Variants in CASK observed in about 807,000 individuals in gnomAD.
CASK encodes the protein peripheral plasma membrane protein CASK.
Under a neutral mutation model 82.9 loss-of-function variants are expected in CASK, and 4 were observed. The observed-to-expected ratio is 0.05, with a 90% CI of 0.02 to 0.11. The LOEUF (loss-of-function observed/expected upper bound fraction) is 0.11. Ranked by LOEUF, CASK falls within the 10% of genes least tolerant of loss-of-function variation. CASK has a pLI of 1.00. For missense variants in CASK, 358 were observed against 720.9 expected (o/e 0.50, Z 5.76); for synonymous variants, 259 against 253.5 (o/e 1.02, Z -0.20).
intron 8 of CASK, among the ~76,000 whole-genome samples, chrX:41,654,445 T>G (rs2066905887): frequency 9.1e-6 from 1 of 110,135 alleles, no homozygotes; most frequent in African/African-American, 3.3e-5. Context: ...CCGAGGCGGG[T>G]GGATCACCTG....
In CASK at chrX:41,706,051, A is replaced by C. The variant is rs936764341; in HGVS notation, c.429+33333T>G. 5.4e-5 allele frequency among the ~76,000 whole-genome samples: 6 copies of C among 112,002 alleles called. No homozygotes were observed. The Admixed American group carries it at 5.7e-4, about 11-fold the overall frequency. On this transcript the variant is annotated intron_variant, in intron 5 of 26. Coordinates refer to ENST00000378163, the MANE Select transcript of CASK (RefSeq NM_001367721.1). ...GGGTCCTCTGAACTGTCAGAAGATG[A>C]AACACTTCATATTTGTGTGGAAATT... is the stretch of plus-strand genomic sequence containing the variant.
chrX:41,683,686 G>A (rs2067399026), intron 5 of CASK, among the ~76,000 whole-genome samples: 1 of 111,515 alleles, frequency 9.0e-6, no homozygotes, highest in African/African-American at 3.3e-5. Context: ...GGAGTCAAAA[G>A]TTATGCATGG....
At chrX:41,707,101 C>A (rs1296586027) in intron 5 of CASK, among the ~76,000 whole-genome samples, 2 of 112,030 alleles carry the variant, frequency 1.8e-5, no homozygotes, top group African/African-American at 6.5e-5. Flanking sequence ...AAAAATTGCC[C>A]CCAATTCCTG....
intron 2 of CASK, among the ~76,000 whole-genome samples, chrX:41,796,344 G>A (rs776129669): frequency 8.9e-6 from 1 of 112,573 alleles, no homozygotes; most frequent in Admixed American, 9.4e-5. Context: ...TGCACAATAA[G>A]TTTTGTTTTC....
chrX:41,743,761 G>A (rs1009248541), intron 4 of CASK: 1 of 294,926 alleles, frequency 3.4e-6, no homozygotes, highest in African/African-American at 2.8e-5. Flanking sequence ...GAAATGGTAA[G>A]ACAGAGGAAA....
At chrX:41,855,048 C>T (rs183389451) in intron 1 of CASK, among the ~76,000 whole-genome samples, 202 of 112,125 alleles carry the variant, frequency 1.8e-3, no homozygotes, top group African/African-American at 6.2e-3. Context: ...TTTTTGGAAA[C>T]TTCCCAACAT....
chrX:41,855,303 A>T (rs1232568326), intron 1 of CASK, among the ~76,000 whole-genome samples: 4 of 111,959 alleles, frequency 3.6e-5, no homozygotes, highest in African/African-American at 9.7e-5. Context: ...GAAAATAATT[A>T]TATCTATGAA....
chrX:41,778,515 G>A (rs966456056), intron 3 of CASK, among the ~76,000 whole-genome samples: 1 of 111,433 alleles, frequency 9.0e-6, no homozygotes, highest in African/African-American at 3.3e-5. Context: ...ACAGGTGTGA[G>A]CCACCGTGCC....
chrX:41,801,715 G>A lies in CASK; in HGVS notation c.173-14432C>T, dbSNP rs1373417721. Among the ~76,000 whole-genome samples, 18 of 111,436 alleles carry A rather than the reference G, an allele frequency of 1.6e-4. No homozygotes were observed. The Admixed American group carries it at 1.7e-3, about 11-fold the overall frequency. ...CTTTATAGGTATGCAGTATGACCTT[G>A]GATATCTTTGGCCAAGCAAATTATC... On this transcript the variant is annotated intron_variant, in intron 2 of 26. Transcript: ENST00000378163.
intron 11 of CASK, among the ~76,000 whole-genome samples, chrX:41,612,748 A>G (rs1485561587): frequency 3.1e-5 from 2 of 63,498 alleles, no homozygotes; most frequent in African/African-American, 5.9e-5. Flanking sequence ...TCCGGGAGGG[A>G]GGTGGGGGGG....
chrX:41,836,486 A>G (rs765644934), intron 2 of CASK, among the ~76,000 whole-genome samples: 2 of 108,687 alleles, frequency 1.8e-5, no homozygotes, highest in Non-Finnish European at 3.9e-5. Context: ...ATAATTAATA[A>G]TACCAATGCT....
chrX:41,829,064 A>C (rs1412318028), intron 2 of CASK, among the ~76,000 whole-genome samples: 1 of 112,323 alleles, frequency 8.9e-6, no homozygotes, highest in African/African-American at 3.2e-5. Flanking sequence ...TATGCAAAAT[A>C]TAAATATTTA....
At chrX:41,520,663 A>C in intron 26 of CASK, 67 bp from the exon 27 acceptor site, 1 of 921,203 alleles carries the variant, frequency 1.1e-6, no homozygotes, top group South Asian at 2.0e-5. Context: ...GAAGAGAGAA[A>C]TCAGTTGGAT....
At chrX:41,841,511 GTTTT>G (rs1193063113) in intron 2 of CASK, among the ~76,000 whole-genome samples, 1 of 80,217 alleles carries the variant, frequency 1.2e-5, no homozygotes, top group East Asian at 3.7e-4. Context: ...TTTCCTTTTT[GTTTT>G]TTTTTTTTTT....
Position 41,686,192 on chromosome X carries a change from C to T in CASK, c.430-14662G>A, listed in dbSNP as rs983555835. On this transcript the variant is annotated intron_variant, in intron 5 of 26. Coordinates refer to ENST00000378163, the MANE Select transcript of CASK (RefSeq NM_001367721.1). ...GCAACCTCTGCCTCCCGGGTTCAAG[C>T]GATTCTCCTGCCTCAGCCTCCTGAG... is the stretch of plus-strand genomic sequence containing the variant. 7.2e-5 allele frequency among the ~76,000 whole-genome samples: 8 copies of T among 110,700 alleles called. No individual in the cohort carries two copies. The East Asian group carries it at 8.5e-4, about 12-fold the overall frequency.
intron 3 of CASK, among the ~76,000 whole-genome samples, chrX:41,770,295 T>TCTACCTAC (rs199881249): frequency 7.7e-4 from 72 of 93,125 alleles, no homozygotes; most frequent in Non-Finnish European, 1.4e-3. Flanking sequence ...TATCTATCTA[T>TCTACCTAC]CTACCTACCT....
chrX:41,784,300 T>G (rs906570884), intron 3 of CASK, among the ~76,000 whole-genome samples: 10 of 111,531 alleles, frequency 9.0e-5, no homozygotes, highest in Non-Finnish European at 1.7e-4. Flanking sequence ...AAAGAGAGTT[T>G]GAGAAAAAAA....
At chrX:41,594,963 C>T (rs762216096) in intron 12 of CASK, among the ~76,000 whole-genome samples, 96 of 111,807 alleles carry the variant, frequency 8.6e-4, no homozygotes, top group African/African-American at 3.0e-3. Flanking sequence ...TTCTTTCCCA[C>T]GACCAGACTC....
intron 12 of CASK, among the ~76,000 whole-genome samples, chrX:41,594,634 G>A (rs199772623): frequency 2.7e-5 from 3 of 112,056 alleles, no homozygotes; most frequent in African/African-American, 6.5e-5. Flanking sequence ...TGTAGTGTAT[G>A]TTGAGTTAAG....
Sources: allele counts gnomAD v4.1 joint callset (sites outside exome capture counted in the v4.1 genomes callset), GRCh38; gene constraint gnomAD v4.1.1; transcripts MANE v1.5; gene names NCBI Gene and HGNC (gene_info 2026-07-23, HGNC 2026-07-21).